SRSF4: variants seen among roughly 807,000 people sequenced by gnomAD.
The protein encoded by SRSF4 is serine and arginine rich splicing factor 4.
Under a neutral mutation model 48.8 loss-of-function variants are expected in SRSF4, and 12 were observed. The observed-to-expected ratio is 0.25, with a 90% CI of 0.16 to 0.40. The LOEUF is 0.40. SRSF4 is among the 10% of genes least tolerant of loss of function. The pLI, the probability that SRSF4 is intolerant of heterozygous loss-of-function variation, is 1.00. For synonymous variants in SRSF4, 248 were observed against 232.5 expected, an observed-to-expected ratio of 1.07 and a Z score of -0.61; for missense variants, 466 against 667.1, an observed-to-expected ratio of 0.70 and a Z score of 3.32.
intron 4 of SRSF4, among the ~76,000 whole-genome samples, chr1:29,153,103 G>A (rs180840669): frequency 1.6e-4 from 24 of 152,028 alleles, no homozygotes; most frequent in African/African-American, 2.2e-4. Flanking sequence ...CATCTTCTAC[G>A]CTAGACTGAG....
At chr1:29,181,228 T>G (rs538231617) in intron 1 of SRSF4, among the ~76,000 whole-genome samples, 1 of 151,944 alleles carries the variant, frequency 6.6e-6, no homozygotes, top group South Asian at 2.1e-4. Context: ...GGGCAAGAGG[T>G]GAAAGGGAGC....
intron 3 of SRSF4, 149 bp downstream of exon 3, chr1:29,159,225 C>T (rs1262141117): frequency 8.9e-6 from 5 of 559,720 alleles, no homozygotes; most frequent in African/African-American, 7.5e-5. Flanking sequence ...ATTTTGTACT[C>T]ATATGGCACT....
chr1:29,176,764 G>A (rs1389692438), intron 1 of SRSF4, among the ~76,000 whole-genome samples: 1 of 152,038 alleles, frequency 6.6e-6, no homozygotes, highest in African/African-American at 2.4e-5. Flanking sequence ...ATTAAACAAG[G>A]GCGAAAACAA....
Position 29,175,737 on chromosome 1 carries a change from A to G in SRSF4, c.107+5909T>C, listed in dbSNP as rs1178791550. Among the ~76,000 whole-genome samples the G allele has an allele frequency of 3.3e-5, 5 of 151,218 alleles. No homozygotes were observed. The East Asian group carries it at 5.8e-4, about 18-fold the overall frequency. On this transcript the variant is annotated intron_variant, in intron 1 of 5. Coordinates refer to ENST00000373795, the MANE Select transcript of SRSF4 (RefSeq NM_005626.5). ...AAAAAAAAAAAATTTCCAATTATAA[A>G]TATGTGCTACTTTGAAAATTAAGAG...
At chr1:29,177,270 A>G (rs1672883488) in intron 1 of SRSF4, among the ~76,000 whole-genome samples, 2 of 149,884 alleles carry the variant, frequency 1.3e-5, no homozygotes, top group African/African-American at 4.9e-5. Context: ...CCTTCCCTAC[A>G]GTAACTCTTT....
intron 5 of SRSF4, 30 bp downstream of exon 5, chr1:29,150,073 C>T (rs1558386207): frequency 5.1e-6 from 8 of 1,580,442 alleles, no homozygotes; most frequent in African/African-American, 2.7e-5. Flanking sequence ...TCCCTGCTGA[C>T]CACCTCTACT....
At chr1:29,153,490 C>T (rs1274647205) in intron 4 of SRSF4, among the ~76,000 whole-genome samples, 3 of 151,982 alleles carry the variant, frequency 2.0e-5, no homozygotes, top group Non-Finnish European at 2.9e-5. Context: ...TAGCCCAGTG[C>T]CTGGCCTGTT....
rs567369416 is a variant in SRSF4 at position 29,150,678 on chromosome 1, T to G, written c.579-486A>C. Among the ~76,000 whole-genome samples, 6 of 152,302 alleles carry G rather than the reference T, an allele frequency of 3.9e-5. No homozygotes were observed. In the South Asian group the frequency reaches 1.2e-3, roughly 32 times the overall value. ...TCCATCTGGATGGTTCACCTGAACC[T>G]CTTAGCAGCTCCTGAAATTCTAACT... On this transcript the variant is annotated intron_variant, in intron 4 of 5. Transcript: ENST00000373795.
At chr1:29,164,571 C>A (rs1290046103) in intron 1 of SRSF4, among the ~76,000 whole-genome samples, 1 of 152,134 alleles carries the variant, frequency 6.6e-6, no homozygotes, top group African/African-American at 2.4e-5. Flanking sequence ...TGTGAATAAG[C>A]CTCACAAAAC....
chr1:29,158,903 C>T (rs1231209488), intron 3 of SRSF4, among the ~76,000 whole-genome samples: 1 of 152,036 alleles, frequency 6.6e-6, no homozygotes, highest in Non-Finnish European at 1.5e-5. Flanking sequence ...GGGTGGATCA[C>T]AAGGTCAGGA....
intron 1 of SRSF4, among the ~76,000 whole-genome samples, chr1:29,164,782 CT>C (rs1672645514): frequency 6.6e-6 from 1 of 152,182 alleles, no homozygotes; most frequent in East Asian, 1.9e-4. Flanking sequence ...TCTTCCTCCC[CT>C]ATGCATATGA....
At position 29,162,138 on chromosome 1, in the gene SRSF4, G is replaced by C. The variant is rs570817497; in HGVS notation, c.108-1621C>G. ...ACAGACACACCCGGTTATTTAACAG[G>C]AAGTGCCTTGCAGTAACACAATTCA... On this transcript the variant is annotated intron_variant, in intron 1 of 5. Transcript: ENST00000373795. Among the ~76,000 whole-genome samples, 21 of 152,258 alleles carry C rather than the reference G, an allele frequency of 1.4e-4. No homozygotes were observed. The East Asian group carries it at 3.9e-3, about 28-fold the overall frequency.
chr1:29,165,270 A>G (rs557691845), intron 1 of SRSF4, among the ~76,000 whole-genome samples: 14 of 152,362 alleles, frequency 9.2e-5, no homozygotes, highest in African/African-American at 3.1e-4. Context: ...GGGCTGCTCT[A>G]AACTTTAGTC....
At chr1:29,159,078 C>A (rs897267766) in intron 3 of SRSF4, among the ~76,000 whole-genome samples, 7 of 151,912 alleles carry the variant, frequency 4.6e-5, no homozygotes, top group African/African-American at 1.7e-4. Flanking sequence ...TGCACTCCAG[C>A]CTGGGCAACA....
At chr1:29,175,600 C>A (rs530247951) in intron 1 of SRSF4, among the ~76,000 whole-genome samples, 48 of 135,100 alleles carry the variant, frequency 3.6e-4, no homozygotes, top group African/African-American at 1.3e-3. Context: ...GAGGCTGAGG[C>A]AGGAGAATGG....
chr1:29,174,488 A>G (rs1299036549), intron 1 of SRSF4, among the ~76,000 whole-genome samples: 1 of 152,154 alleles, frequency 6.6e-6, no homozygotes, highest in Non-Finnish European at 1.5e-5. Flanking sequence ...TAACATATGT[A>G]TGTTGGAGTA....
At chr1:29,178,353 C>CTTCTATTTTTTTT (rs141096220) in intron 1 of SRSF4, among the ~76,000 whole-genome samples, 4 of 127,906 alleles carry the variant, frequency 3.1e-5, no homozygotes, top group Non-Finnish European at 6.4e-5. Context: ...GTTTCAATTA[C>CTTCTATTTTTTTT]TTTTTTTTTT....
intron 4 of SRSF4, among the ~76,000 whole-genome samples, 171 bp from the exon 5 acceptor site, chr1:29,150,363 C>A (rs1377196471): frequency 6.6e-6 from 1 of 152,120 alleles, no homozygotes; most frequent in Non-Finnish European, 1.5e-5. Context: ...CTCCTGAGTT[C>A]AAGCGATTCT....
rs1256836465 is a variant in SRSF4 at position 29,147,875 on chromosome 1, A to G, written c.*535T>C. ...TTTAATATAAAACAATATAATCACA[A>G]TACCAGAATATGGAACTCTACAGTT... is the stretch of plus-strand genomic sequence containing the variant. On this transcript the variant is annotated 3_prime_UTR_variant, in exon 6 of 6. Coordinates refer to ENST00000373795, the MANE Select transcript of SRSF4 (RefSeq NM_005626.5). 3 of 213,376 alleles carry G rather than the reference A, an allele frequency of 1.4e-5. No individual in the cohort carries two copies. The highest frequency in any genetic ancestry group is 6.8e-5 in the African/African-American group (3 of 44,104). 13.2% of individuals were successfully genotyped at this position (213,376 alleles called of 1,614,324 possible).
Sources: allele counts gnomAD v4.1 joint callset (sites outside exome capture counted in the v4.1 genomes callset), GRCh38; gene constraint gnomAD v4.1.1; transcripts MANE v1.5; gene names NCBI Gene and HGNC (gene_info 2026-07-23, HGNC 2026-07-21).